The following TSPAN2 variants were observed in gnomAD, a reference collection of about 807,000 sequenced individuals.
The protein encoded by TSPAN2 is tetraspanin-2.
TSPAN2 carries 24 observed loss-of-function variants against 33.3 expected under a neutral mutation model. That is an observed-to-expected ratio of 0.72 (90% CI 0.52 to 1.01). TSPAN2 has a LOEUF of 1.01. TSPAN2 is among the 50% of genes least tolerant of loss of function. The pLI is 0.00. For synonymous variants in TSPAN2, 114 were observed against 104.5 expected, an observed-to-expected ratio of 1.09 and a Z score of -0.56; for missense variants, 278 against 281.3, an observed-to-expected ratio of 0.99 and a Z score of 0.08.
intron 2 of TSPAN2, among the ~76,000 whole-genome samples, chr1:115,064,086 A>T (rs1215685533): frequency 6.6e-6 from 1 of 152,170 alleles, no homozygotes; most frequent in Non-Finnish European, 1.5e-5. Context: ...ACTGTGTTGC[A>T]ATGTTTTCAA....
At chr1:115,088,440 C>T (rs1330047872) in intron 1 of TSPAN2, among the ~76,000 whole-genome samples, 1 of 152,132 alleles carries the variant, frequency 6.6e-6, no homozygotes, top group Non-Finnish European at 1.5e-5. Context: ...TAAGAAAGCC[C>T]AAGAGGAAAT....
chr1:115,065,140 A>G (rs576590921), intron 2 of TSPAN2, among the ~76,000 whole-genome samples: 3 of 152,266 alleles, frequency 2.0e-5, no homozygotes, highest in East Asian at 1.9e-4. Context: ...CCCAGCTCCA[A>G]ATGAACATTG....
chr1:115,089,292 C>G, intron 1 of TSPAN2, 72 bp downstream of exon 1: 1 of 1,388,464 alleles, frequency 7.2e-7, no homozygotes, highest in Non-Finnish European at 9.7e-7. Flanking sequence ...CAGTCAGCAG[C>G]TCGGGGACCC....
At chr1:115,053,929 A>G (rs1349003185) in intron 6 of TSPAN2, among the ~76,000 whole-genome samples, 1 of 152,254 alleles carries the variant, frequency 6.6e-6, no homozygotes, top group Non-Finnish European at 1.5e-5. Context: ...AAGTCTTAAC[A>G]GGTTCAAGTT....
In TSPAN2 at chr1:115,063,501, C is replaced by T. The variant is rs566201002; in HGVS notation, c.173-1269G>A. 5.3e-5 allele frequency among the ~76,000 whole-genome samples: 8 copies of T among 152,318 alleles called. No homozygotes were observed. The South Asian group carries it at 1.5e-3, about 28-fold the overall frequency. ...AAATCAGTACAGCCACTGCAGAAGG[C>T]AGTTTGGAGATGACTCAAACAACTG... On this transcript the variant is annotated intron_variant, in intron 2 of 7. Transcript: ENST00000369516.
chr1:115,058,095 G>A (rs1055957853), intron 5 of TSPAN2: 3 of 168,254 alleles, frequency 1.8e-5, no homozygotes, highest in Admixed American at 5.7e-5. Context: ...GTCCTGCTTA[G>A]GCTAGCTGGC....
chr1:115,076,856 A>C (rs139567259), intron 1 of TSPAN2, among the ~76,000 whole-genome samples: 57 of 152,124 alleles, frequency 3.7e-4, no homozygotes, highest in African/African-American at 1.3e-3. Flanking sequence ...GTGGGAAGTC[A>C]ATCCAGAGGC....
intron 1 of TSPAN2, among the ~76,000 whole-genome samples, chr1:115,085,176 C>T (rs775234933): frequency 9.2e-5 from 14 of 152,186 alleles, no homozygotes; most frequent in Admixed American, 3.9e-4. Flanking sequence ...GCTATCTGAT[C>T]GCAGGTCTGA....
intron 7 of TSPAN2, among the ~76,000 whole-genome samples, chr1:115,052,788 G>C (rs1647227654): frequency 1.3e-5 from 2 of 152,188 alleles, no homozygotes; most frequent in African/African-American, 4.8e-5. Flanking sequence ...ATATGTCCCA[G>C]ACACTTTATT....
intron 2 of TSPAN2, among the ~76,000 whole-genome samples, chr1:115,070,070 C>T (rs1648104653): frequency 6.6e-6 from 1 of 152,178 alleles, no homozygotes; most frequent in South Asian, 2.1e-4. Flanking sequence ...TGAGGTTGCT[C>T]CCGGGGAGGT....
At chr1:115,089,342 C>T in intron 1 of TSPAN2, 22 bp downstream of exon 1, 1 of 1,558,748 alleles carries the variant, frequency 6.4e-7, no homozygotes. Context: ...CCCTGACCGG[C>T]CCTCCCGGCT....
At chr1:115,053,201 A>G (rs760366263) in intron 7 of TSPAN2, among the ~76,000 whole-genome samples, 178 bp downstream of exon 7, 3 of 152,246 alleles carry the variant, frequency 2.0e-5, no homozygotes, top group Admixed American at 1.3e-4. Context: ...ATTTTAGAGG[A>G]CAAACTATTA....
Position 115,070,228 on chromosome 1 carries a change from G to T in TSPAN2, c.172+2677C>A, listed in dbSNP as rs868590949. 6.0e-4 allele frequency among the ~76,000 whole-genome samples: 91 copies of T among 152,218 alleles called. No homozygotes were observed. In the Middle Eastern group the frequency reaches 0.01, roughly 17 times the overall value. The stretch of plus-strand genomic sequence containing the variant: ...CTCTCACTACCTCTTTTGCCATTTT[G>T]ATTTCTTCTGTCCCTGAGTTTGATT... On this transcript the variant is annotated intron_variant, in intron 2 of 7. Transcript: ENST00000369516.
chr1:115,052,739 C>T (rs1160630240), intron 7 of TSPAN2, among the ~76,000 whole-genome samples: 2 of 152,164 alleles, frequency 1.3e-5, no homozygotes, highest in Non-Finnish European at 2.9e-5. Flanking sequence ...TTGCCTTTGC[C>T]TGGTAGATTA....
intron 1 of TSPAN2, among the ~76,000 whole-genome samples, chr1:115,088,785 T>C (rs10858065): frequency 0.97 from 146,889 of 152,172 alleles, 70,905 homozygotes; most frequent in East Asian, 1. Flanking sequence ...CCAGGGGTAC[T>C]CTTACCCTGA....
chr1:115,053,031 G>C (rs763402862), intron 7 of TSPAN2, among the ~76,000 whole-genome samples: 131 of 152,164 alleles, frequency 8.6e-4, no homozygotes, highest in Non-Finnish European at 1.5e-3. Flanking sequence ...TCGTAGGTGA[G>C]AGAGATTAAC....
chr1:115,073,912 C>T (rs555555471), intron 1 of TSPAN2, among the ~76,000 whole-genome samples: 3 of 152,278 alleles, frequency 2.0e-5, no homozygotes, highest in East Asian at 1.9e-4. Context: ...TGCGTGCCAG[C>T]AGGCTCTAGC....
At chr1:115,053,023 G>A (rs949999534) in intron 7 of TSPAN2, among the ~76,000 whole-genome samples, 4 of 152,136 alleles carry the variant, frequency 2.6e-5, no homozygotes, top group Admixed American at 1.3e-4. Flanking sequence ...TCTTCAAATC[G>A]TAGGTGAGAG....
intron 3 of TSPAN2, among the ~76,000 whole-genome samples, chr1:115,061,432 G>T (rs1382150536): frequency 6.6e-6 from 1 of 152,178 alleles, no homozygotes; most frequent in African/African-American, 2.4e-5. Context: ...TAAGCCACAA[G>T]AGGGATTTTG....
Sources: gnomAD v4.1 joint callset for allele counts (sites outside exome capture counted in the v4.1 genomes callset) on GRCh38, gnomAD v4.1.1 for gene constraint, MANE v1.5 for transcripts, NCBI Gene and HGNC (gene_info 2026-07-23, HGNC 2026-07-21) for gene names.